Variants in CHRNA1 observed in about 807,000 individuals in gnomAD.
CHRNA1 encodes acetylcholine receptor subunit alpha.
A neutral mutation model predicts 47.1 loss-of-function variants in CHRNA1; 35 were observed. That is an observed-to-expected ratio of 0.74 (90% CI 0.57 to 0.99). CHRNA1 has a LOEUF of 0.99. CHRNA1 is among the 50% of genes least tolerant of loss of function. The probability of loss-of-function intolerance (pLI) is 0.00; values close to 1 mark genes in which losing one functional copy is unlikely to be tolerated. For synonymous variants in CHRNA1, 229 were observed against 223.6 expected, an observed-to-expected ratio of 1.02 and a Z score of -0.22; for missense variants, 506 against 591.1, an observed-to-expected ratio of 0.86 and a Z score of 1.49.
At chr2:174,763,513 A>T (rs1468775845) in intron 1 of CHRNA1, among the ~76,000 whole-genome samples, 1 of 152,234 alleles carries the variant, frequency 6.6e-6, no homozygotes, top group Non-Finnish European at 1.5e-5. Context: ...CAATATTGGA[A>T]ATGAAAAATC....
chr2:174,748,141 A>G lies in CHRNA1; in HGVS notation c.1357T>C (p.Leu453=). The change falls in exon 9 of 9, where the codon TTA becomes CTA. Residue 453 remains leucine, a synonymous_variant. Transcript: ENST00000348749. ...LAVFAGRLIE[L]NQQG ...TTTTCTGCTCATCCTTGCTGATTTA[A>G]TTCAATGAGTCGACCTGCAAACACG... is the stretch of plus-strand genomic sequence containing the variant. 1 of 1,614,134 alleles carries G rather than the reference A, an allele frequency of 6.2e-7. No homozygotes were observed. Among genetic ancestry groups the G allele is most frequent in the African/African-American group, 1.3e-5 (1 of 75,022 alleles).
At chr2:174,754,178 T>C in intron 5 of CHRNA1, 41 bp downstream of exon 5, 1 of 1,599,542 alleles carries the variant, frequency 6.3e-7, no homozygotes, top group Non-Finnish European at 8.6e-7. Flanking sequence ...CGAATCACAA[T>C]TTTCCTGAAA....
At chr2:174,751,739 T>C (rs940642051) in intron 6 of CHRNA1, among the ~76,000 whole-genome samples, 2 of 151,360 alleles carry the variant, frequency 1.3e-5, no homozygotes, top group African/African-American at 2.4e-5. Context: ...AGTTCAGTGG[T>C]GCCATCTCAG....
intron 6 of CHRNA1, chr2:174,753,141 T>C: frequency 1.9e-6 from 1 of 522,562 alleles, no homozygotes; most frequent in Non-Finnish European, 3.5e-6. Context: ...AGTGACTTCA[T>C]CGTGGAAGTG....
intron 7 of CHRNA1, among the ~76,000 whole-genome samples, chr2:174,749,091 G>A (rs926504220): frequency 3.9e-5 from 6 of 152,208 alleles, no homozygotes; most frequent in African/African-American, 1.4e-4. Flanking sequence ...TCGACCTGGG[G>A]CCACCAATGA....
rs1018743511 is a variant in CHRNA1 at position 174,753,732 on chromosome 2, G to T, written c.549C>A (p.Asp183Glu). ...CCATGAAGTTGCTCAGGTCTGGCTG[G>T]TCGCTTTCCTGAGAAAGGAAGTGAG... ...GSVVAINPES[D>E]QPDLSNFMES... Residue 183 changes from aspartate to glutamate, a missense_variant, in exon 6 of 9, where the codon GAC becomes GAA. Asp to Glu is a conservative substitution (Grantham distance 45). Coordinates refer to ENST00000348749, the MANE Select transcript of CHRNA1 (RefSeq NM_000079.4). The T allele has an allele frequency of 6.2e-7, 1 of 1,613,882 alleles. No homozygotes were observed. The highest frequency in any genetic ancestry group is 8.5e-7 in the Non-Finnish European group (1 of 1,179,942).
In CHRNA1 at chr2:174,748,583, G is replaced by C; in HGVS notation, c.1239C>G (p.Asn413Lys). ...AATTTCAAGCCACGAAGCTTACATTGTTAGACTCCTGGTCTGACTTCATGG... is the reference window on the plus strand; with the variant it reads ...AATTTCAAGCCACGAAGCTTACATTCTTAGACTCCTGGTCTGACTTCATGG... ...AETMKSDQESNNAAAEWKYVA... is the reference protein window; with the variant it reads ...AETMKSDQESKNAAAEWKYVA... The change falls in exon 8 of 9, where the codon AAC becomes AAG. Residue 413 changes from asparagine (N) to lysine (K), a missense_variant. By Grantham distance (94) the Asn-to-Lys change is moderately conservative. Coordinates refer to ENST00000348749, the MANE Select transcript of CHRNA1 (RefSeq NM_000079.4). 6.2e-7 allele frequency: 1 copy of C among 1,610,984 alleles called. No homozygotes were observed. The highest frequency in any genetic ancestry group is 8.5e-7 in the Non-Finnish European group (1 of 1,177,510).
At chr2:174,761,526 G>A (rs990585209) in intron 1 of CHRNA1, among the ~76,000 whole-genome samples, 4 of 152,050 alleles carry the variant, frequency 2.6e-5, no homozygotes, top group African/African-American at 9.7e-5. Flanking sequence ...CATTGTTCAG[G>A]CTGGTCTCAA....
chr2:174,755,217 T>C (rs1436100499), intron 4 of CHRNA1, among the ~76,000 whole-genome samples: 2 of 152,010 alleles, frequency 1.3e-5, no homozygotes, highest in African/African-American at 4.8e-5. Flanking sequence ...GATTTAGAAC[T>C]CATTGGGGTG....
At chr2:174,754,799 G>GA (rs1389755402) in intron 4 of CHRNA1, among the ~76,000 whole-genome samples, 67 of 148,850 alleles carry the variant, frequency 4.5e-4, no homozygotes, top group East Asian at 9.8e-4. Flanking sequence ...CTATGTTGGG[G>GA]AAAAAAAACA....
At chr2:174,750,841 G>T (rs1028320315) in intron 6 of CHRNA1, among the ~76,000 whole-genome samples, 4 of 152,104 alleles carry the variant, frequency 2.6e-5, no homozygotes, top group African/African-American at 9.7e-5. Context: ...AGGAGTTCTG[G>T]GTGGACAAGC....
At chr2:174,751,247 C>A (rs995286321) in intron 6 of CHRNA1, among the ~76,000 whole-genome samples, 1 of 152,166 alleles carries the variant, frequency 6.6e-6, no homozygotes, top group Non-Finnish European at 1.5e-5. Context: ...AACTTGGCAG[C>A]AGGAAGGTCA....
At chr2:174,752,041 A>G (rs34063969) in intron 6 of CHRNA1, among the ~76,000 whole-genome samples, 9,332 of 151,924 alleles carry the variant, frequency 0.061, 351 homozygotes, top group South Asian at 0.21. Context: ...AGTTCCCATA[A>G]TGCCCCGACA....
At chr2:174,755,425 CT>C (rs1177284296) in intron 4 of CHRNA1, among the ~76,000 whole-genome samples, 2,287 of 142,654 alleles carry the variant, frequency 0.016, 44 homozygotes, top group African/African-American at 0.052. Flanking sequence ...GATTTTTTTT[CT>C]TTTTTTTTTT....
intron 3 of CHRNA1, among the ~76,000 whole-genome samples, chr2:174,758,796 A>T (rs1684034430): frequency 6.6e-6 from 1 of 152,190 alleles, no homozygotes; most frequent in African/African-American, 2.4e-5. Flanking sequence ...TTACAGAGGT[A>T]ATTATGTTAA....
chr2:174,754,410 C>G lies in CHRNA1; in HGVS notation c.349G>C (p.Asp117His). The G allele has an allele frequency of 6.2e-7, 1 of 1,613,986 alleles. No individual in the cohort carries two copies. The highest frequency in any genetic ancestry group is 8.5e-7 in the Non-Finnish European group (1 of 1,179,992). The stretch of plus-strand genomic sequence containing the variant: ...AACTTGACAATAGCAAAGTCACCAT[C>G]TGCACTACAATTGGGATAAAAGAGG... ...RPDLVLYNNA[D>H]GDFAIVKFTK... The change falls in exon 5 of 9, where the codon GAT (aspartate) becomes CAT (histidine). Residue 117 changes from aspartate to histidine, a missense_variant. Coordinates refer to ENST00000348749, the MANE Select transcript of CHRNA1 (RefSeq NM_000079.4).
rs112982437 is a variant in CHRNA1, at chr2:174,761,750, G to A, written c.44-2117C>T. On this transcript the variant is annotated intron_variant, in intron 1 of 8. Transcript: ENST00000348749. ...AGGGAATATGTTGTTTGAATATTCCGTTTTTGCAACCACCCCATTGAGCCC... is the reference window on the plus strand; with the variant it reads ...AGGGAATATGTTGTTTGAATATTCCATTTTTGCAACCACCCCATTGAGCCC... Among the ~76,000 whole-genome samples the A allele has an allele frequency of 5.0e-4, 76 of 152,278 alleles. 1 individual carries two copies. Among genetic ancestry groups the A allele is most frequent in the African/African-American group, 1.2e-3 (49 of 41,556 alleles).
At position 174,757,456 on chromosome 2, in the gene CHRNA1, A is replaced by T; in HGVS notation, c.344+110T>A. On this transcript the variant is annotated intron_variant, in intron 4 of 8. Transcript: ENST00000348749. ...CAGGTGTGAGCCACCATCCTGGGTG[A>T]TTTAACATTAGCAGTGGTGAGAAGC... 7 of 813,386 alleles carry T rather than the reference A, an allele frequency of 8.6e-6. No individual in the cohort carries two copies. In the South Asian group the frequency reaches 9.9e-5, roughly 12 times the overall value. 50.4% of individuals were successfully genotyped at this position (813,386 alleles called of 1,614,324 possible).
intron 6 of CHRNA1, among the ~76,000 whole-genome samples, chr2:174,752,011 C>T (rs1042708850): frequency 6.6e-6 from 1 of 151,822 alleles, no homozygotes; most frequent in Non-Finnish European, 1.5e-5. Context: ...AATCATTTAA[C>T]GTTTATAGAG....
Sources: allele counts gnomAD v4.1 joint callset (sites outside exome capture counted in the v4.1 genomes callset), GRCh38; gene constraint gnomAD v4.1.1; transcripts MANE v1.5; gene names NCBI Gene and HGNC (gene_info 2026-07-23, HGNC 2026-07-21).